Variants in TRAPPC12 observed in about 807,000 individuals in gnomAD.
TRAPPC12 encodes TPR repeat protein 15.
A neutral mutation model predicts 69.2 loss-of-function variants in TRAPPC12; 61 were observed. That is an observed-to-expected ratio of 0.88 (90% CI 0.72 to 1.09). The LOEUF is 1.09. Ranked by LOEUF, TRAPPC12 falls within the 50% of genes least tolerant of loss-of-function variation. The probability of loss-of-function intolerance (pLI) is 0.00; values close to 1 mark genes in which losing one functional copy is unlikely to be tolerated. For missense variants in TRAPPC12, 1,101 were observed against 1,016.4 expected (o/e 1.08, Z -1.13); for synonymous variants, 469 against 438.9 (o/e 1.07, Z -0.86).
In TRAPPC12 at chr2:3,465,940, C is replaced by T. The variant is rs74920604; in HGVS notation, c.1776+245C>T. On this transcript the variant is annotated intron_variant, in intron 9 of 11. Transcript: ENST00000324266. ...CACAGAAAGTGTCATCACAGCCACA[C>T]TGAAATGAGTTACTCTAGACATTGT... The T allele has an allele frequency of 9.8e-3, 5,428 of 551,402 alleles. 215 individuals are homozygous for T. The East Asian group carries it at 0.11, about 11-fold the overall frequency. The allele number at this position is 551,402 out of a possible 1,614,324, so 34.2% of individuals were successfully genotyped here.
At position 3,479,539 on chromosome 2, in the gene TRAPPC12, G is replaced by T. The variant is rs1025183556; in HGVS notation, c.*78G>T. On this transcript the variant is annotated 3_prime_UTR_variant, in exon 12 of 12. Transcript: ENST00000324266. ...GAAGCTAATGTATTAATGTGACATGGAGGAACTCAATAAAACTCCTGCTTC... is the reference window on the plus strand; with the variant it reads ...GAAGCTAATGTATTAATGTGACATGTAGGAACTCAATAAAACTCCTGCTTC... 6.5e-7 allele frequency: 1 copy of T among 1,542,698 alleles called. No homozygotes were observed. Among genetic ancestry groups the T allele is most frequent in the Admixed American group, 1.8e-5 (1 of 54,574 alleles).
intron 6 of TRAPPC12, chr2:3,457,028 T>C: frequency 2.2e-6 from 1 of 456,138 alleles, no homozygotes; most frequent in South Asian, 1.6e-5. Flanking sequence ...CCCCACGCCA[T>C]AGGGACTTGG....
At chr2:3,453,635 C>T (rs1664971737) in intron 6 of TRAPPC12, among the ~76,000 whole-genome samples, 1 of 152,162 alleles carries the variant, frequency 6.6e-6, no homozygotes, top group South Asian at 2.1e-4. Flanking sequence ...GGCCTTTATT[C>T]TTCTGGGACA....
chr2:3,430,447 T>C (rs1038665708), intron 5 of TRAPPC12, among the ~76,000 whole-genome samples: 1 of 152,240 alleles, frequency 6.6e-6, no homozygotes, highest in Non-Finnish European at 1.5e-5. Flanking sequence ...TGCCGAATTA[T>C]GTGTCCTTTG....
chr2:3,409,620 C>T (rs1249864793), intron 3 of TRAPPC12, among the ~76,000 whole-genome samples: 1 of 151,768 alleles, frequency 6.6e-6, no homozygotes, highest in East Asian at 1.9e-4. Context: ...TGTGGTGGCA[C>T]GCACCTGTAG....
At position 3,426,568 on chromosome 2, in the gene TRAPPC12, C is replaced by T. The variant is rs555993853; in HGVS notation, c.1417+1905C>T. ...GGAGGAAGTGGGGCCAGAGGAGTCT[C>T]GGGAACTTGCTGAAGGGCCCTCACT... is the stretch of plus-strand genomic sequence containing the variant. On this transcript the variant is annotated intron_variant, in intron 5 of 11. Coordinates refer to ENST00000324266, the MANE Select transcript of TRAPPC12 (RefSeq NM_016030.6). Among the ~76,000 whole-genome samples, 184 of 152,342 alleles carry T rather than the reference C, an allele frequency of 1.2e-3. 1 individual carries two copies. The highest frequency in any genetic ancestry group is 4.2e-3 in the African/African-American group (176 of 41,578).
intron 7 of TRAPPC12, 64 bp downstream of exon 7, chr2:3,457,757 G>T: frequency 6.3e-7 from 1 of 1,587,866 alleles, no homozygotes. Context: ...TGAGCCCAAA[G>T]CCTCTCGCTT....
chr2:3,463,687 C>T (rs117121442), intron 8 of TRAPPC12, among the ~76,000 whole-genome samples: 1,578 of 151,954 alleles, frequency 0.01, 29 homozygotes, highest in East Asian at 0.063. Context: ...ACCACGCCCC[C>T]ACCCTGCGCT....
At position 3,465,701 on chromosome 2, in the gene TRAPPC12, T is replaced by A. The variant is rs1479405642; in HGVS notation, c.1776+6T>A. ...TCGGCCGGATTTCCCTGCAGGTACCTGTGCACGGTCAGACATGAGCCAGAA... is the reference window on the plus strand; with the variant it reads ...TCGGCCGGATTTCCCTGCAGGTACCAGTGCACGGTCAGACATGAGCCAGAA... On this transcript the variant is annotated splice_donor_region_variant and intron_variant, in intron 9 of 11. Coordinates refer to ENST00000324266, the MANE Select transcript of TRAPPC12 (RefSeq NM_016030.6). The A allele has an allele frequency of 3.7e-6, 6 of 1,607,480 alleles. No individual in the cohort carries two copies. The highest frequency in any genetic ancestry group is 5.1e-6 in the Non-Finnish European group (6 of 1,174,116).
chr2:3,459,941 C>T (rs1665395968), intron 7 of TRAPPC12: 1 of 429,988 alleles, frequency 2.3e-6, no homozygotes, highest in African/African-American at 2.1e-5. Flanking sequence ...CAGCTTTGCT[C>T]CTTTTCTCAG....
intron 8 of TRAPPC12, among the ~76,000 whole-genome samples, chr2:3,462,371 A>C (rs1334162511): frequency 6.6e-6 from 1 of 152,254 alleles, no homozygotes; most frequent in Non-Finnish European, 1.5e-5. Flanking sequence ...ATGAGTTAAA[A>C]AAAGGAGGCA....
chr2:3,446,653 G>A (rs1664523438), intron 6 of TRAPPC12, among the ~76,000 whole-genome samples: 1 of 152,350 alleles, frequency 6.6e-6, no homozygotes, highest in South Asian at 2.1e-4. Flanking sequence ...TTTTTATCTG[G>A]ATGTGAACAG....
chr2:3,393,450 G>A (rs752778813), intron 2 of TRAPPC12, among the ~76,000 whole-genome samples: 22 of 152,076 alleles, frequency 1.4e-4, no homozygotes, highest in African/African-American at 4.1e-4. Context: ...GTAATACTGC[G>A]TTGTTTACTT....
intron 5 of TRAPPC12, among the ~76,000 whole-genome samples, chr2:3,425,227 G>A (rs748897239): frequency 1.3e-5 from 2 of 152,288 alleles, no homozygotes; most frequent in East Asian, 3.9e-4. Flanking sequence ...GGCGGGTTAC[G>A]GAGAGCCTTC....
intron 2 of TRAPPC12, among the ~76,000 whole-genome samples, chr2:3,401,350 A>G (rs1416159725): frequency 6.6e-6 from 1 of 152,176 alleles, no homozygotes; most frequent in East Asian, 1.9e-4. Flanking sequence ...CACCAGCGCG[A>G]GGCTGGCCAC....
chr2:3,409,799 C>T (rs1572113669), intron 3 of TRAPPC12, among the ~76,000 whole-genome samples: 1 of 145,288 alleles, frequency 6.9e-6, no homozygotes, highest in Admixed American at 6.9e-5. Flanking sequence ...TGAAAAAATC[C>T]TGTTTCTATT....
intron 2 of TRAPPC12, among the ~76,000 whole-genome samples, chr2:3,391,282 A>C (rs2103440364): frequency 6.6e-6 from 1 of 152,198 alleles, no homozygotes; most frequent in East Asian, 1.9e-4. Context: ...GCAACCACTT[A>C]CCCACTCCTG....
chr2:3,438,387 C>T (rs1240664763), intron 5 of TRAPPC12, among the ~76,000 whole-genome samples: 1 of 136,978 alleles, frequency 7.3e-6, no homozygotes, highest in African/African-American at 2.8e-5. Context: ...ATTGATCCCC[C>T]ATCACCCCTG....
intron 7 of TRAPPC12, 44 bp from the exon 8 acceptor site, chr2:3,460,219 C>T (rs1351708794): frequency 1.1e-6 from 1 of 872,138 alleles, no homozygotes; most frequent in Admixed American, 1.7e-5. Context: ...CTAGAAAGAG[C>T]CTCGAATTTA....
Sources: gnomAD v4.1 joint callset for allele counts (sites outside exome capture counted in the v4.1 genomes callset) on GRCh38, gnomAD v4.1.1 for gene constraint, MANE v1.5 for transcripts, NCBI Gene and HGNC (gene_info 2026-07-23, HGNC 2026-07-21) for gene names.